Variants in RANBP6 observed in about 807,000 individuals in gnomAD.
RANBP6 encodes the protein ran-binding protein 6.
In RANBP6, 10 loss-of-function variants were observed where a neutral mutation model predicts 35.3. The observed-to-expected ratio is 0.28, with a 90% CI of 0.17 to 0.48. The LOEUF is 0.48. Ranked by LOEUF, RANBP6 falls within the 20% of genes least tolerant of loss-of-function variation. The pLI, the probability that RANBP6 is intolerant of heterozygous loss-of-function variation, is 0.99. For synonymous variants in RANBP6, 514 were observed against 464.2 expected, an observed-to-expected ratio of 1.11 and a Z score of -1.38; for missense variants, 1,392 against 1,307.7, an observed-to-expected ratio of 1.06 and a Z score of -0.99.
At position 6,012,391 on chromosome 9, in the gene RANBP6, C is replaced by T. The variant is rs748913671; in HGVS notation, c.3217G>A (p.Val1073Met). The change falls in exon 1 of 1, where the codon GTG becomes ATG. Residue 1073 changes from valine to methionine, a missense_variant. Physicochemically the swap from Val to Met is conservative, Grantham distance 21 (BLOSUM62 1). Transcript: ENST00000259569. ...DPCAKRLANV[V>M]RQVQTSEDLW... is the part of the protein sequence containing the mutation. ...TCTTCAGAAGTCTGTACCTGACGCA[C>T]GACATTAGCTAGGCGTTTGGCACAA... 8.1e-6 allele frequency: 13 copies of T among 1,613,728 alleles called. No homozygotes were observed. The highest frequency in any genetic ancestry group is 3.3e-5 in the Admixed American group (2 of 59,960).
At position 6,014,865 on chromosome 9, in the gene RANBP6, A is replaced by G; in HGVS notation, c.743T>C (p.Leu248Pro). Residue 248 changes from leucine to proline, a missense_variant, in exon 1 of 1, where the codon CTT becomes CCT. Transcript: ENST00000259569. Reference sequence around the variant, plus strand: ...AGGTACGGTATCTGCAATCTCAACAAGGGATTCTAGCACTGAATCATCATC... The same window carrying G: ...AGGTACGGTATCTGCAATCTCAACAGGGGATTCTAGCACTGAATCATCATC... ...YQDDDSVLES[L>P]VEIADTVPKY... 6.2e-7 allele frequency: 1 copy of G among 1,614,200 alleles called. No homozygotes were observed. Among genetic ancestry groups the G allele is most frequent in the Non-Finnish European group, 8.5e-7 (1 of 1,180,024 alleles).
At position 6,013,981 on chromosome 9, in the gene RANBP6, T is replaced by C; in HGVS notation, c.1627A>G (p.Met543Val). The C allele has an allele frequency of 1.2e-6, 2 of 1,613,982 alleles. No homozygotes were observed. The highest frequency in any genetic ancestry group is 2.2e-5 in the East Asian group (1 of 44,876). The change falls in exon 1 of 1, where the codon ATG becomes GTG. Residue 543 changes from methionine to valine, a missense_variant. Met to Val is a conservative substitution (Grantham distance 21). Coordinates refer to ENST00000259569, the MANE Select transcript of RANBP6 (RefSeq NM_012416.4). The stretch of plus-strand genomic sequence containing the variant: ...TCAACAATGTGCTTTAGTGAGGGCA[T>C]GAATATATCATAATATGGGACAAAT... ...EKFVPYYDIF[M>V]PSLKHIVELA...
Position 6,015,281 on chromosome 9 carries a change from T to C in RANBP6, c.327A>G (p.Thr109=). ...AAAGTTTTTTCCTCATGCTAGCATG[T>C]GTTTCTAACTTAACAGCCAGAATCA... ...IELILAVKLE[T]HASMRKKLCD... is the part of the protein sequence containing the mutation. The change falls in exon 1 of 1, where the codon ACA becomes ACG. Residue 109 remains threonine, a synonymous_variant. Coordinates refer to ENST00000259569, the MANE Select transcript of RANBP6 (RefSeq NM_012416.4). 1 of 1,614,258 alleles carries C rather than the reference T, an allele frequency of 6.2e-7. No individual in the cohort carries two copies. Among genetic ancestry groups the C allele is most frequent in the African/African-American group, 1.3e-5 (1 of 75,076 alleles).
rs1384991065 is a variant in RANBP6 at position 6,015,252 on chromosome 9, T to C, written c.356A>G (p.Asp119Gly). 6.2e-7 allele frequency: 1 copy of C among 1,614,206 alleles called. No homozygotes were observed. The highest frequency in any genetic ancestry group is 2.2e-5 in the East Asian group (1 of 44,884). The change falls in exon 1 of 1, where the codon GAT (aspartate) becomes GGT (glycine). Residue 119 changes from aspartate (D) to glycine (G), a missense_variant. Asp to Gly is a moderately conservative substitution (Grantham distance 94, BLOSUM62 -1). Coordinates refer to ENST00000259569, the MANE Select transcript of RANBP6 (RefSeq NM_012416.4). ...THASMRKKLC[D>G]IFAVLARNLI... is the part of the protein sequence containing the mutation. ...ATTCCTGGCCAGCACTGCAAAAATA[T>C]CACAAAGTTTTTTCCTCATGCTAGC...
Position 6,014,830 on chromosome 9 carries a change from C to T in RANBP6, c.778G>A (p.Gly260Ser), listed in dbSNP as rs530947222. ...EIADTVPKYL[G>S]PYLEDTLQLS... ...TGTAGAGTATCTTCTAAATAAGGAC[C>T]CAAGTACTTAGGTACGGTATCTGCA... Residue 260 changes from glycine to serine, a missense_variant, in exon 1 of 1, where the codon GGT becomes AGT. By Grantham distance (56) the Gly-to-Ser change is moderately conservative. Transcript: ENST00000259569. 4 of 1,614,164 alleles carry T rather than the reference C, an allele frequency of 2.5e-6. No homozygotes were observed. Among genetic ancestry groups the T allele is most frequent in the African/African-American group, 1.3e-5 (1 of 75,050 alleles).
chr9:6,014,284 A>G lies in RANBP6; in HGVS notation c.1324T>C (p.Phe442Leu), dbSNP rs1157868270. ...ACTGTTTCATGAAATTTCTTTTGGA[A>G]ATTAGGTGCAAAATCTGTAGCCATC... ...GQMATDFAPN[F>L]QKKFHETVIA... The change falls in exon 1 of 1, where the codon TTC becomes CTC. Residue 442 changes from phenylalanine to leucine, a missense_variant. By Grantham distance (22) the Phe-to-Leu change is conservative (BLOSUM62 0). Transcript: ENST00000259569. 1.9e-6 allele frequency: 3 copies of G among 1,614,212 alleles called. No homozygotes were observed. The highest frequency in any genetic ancestry group is 2.2e-5 in the East Asian group (1 of 44,888).
Position 6,013,450 on chromosome 9 carries a change from T to A in RANBP6, c.2158A>T (p.Lys720Ter), listed in dbSNP as rs759179325. 6.2e-7 allele frequency: 1 copy of A among 1,614,080 alleles called. No individual in the cohort carries two copies. The highest frequency in any genetic ancestry group is 8.5e-7 in the Non-Finnish European group (1 of 1,180,028). The change falls in exon 1 of 1, where the codon AAA becomes TAA. Residue 720 changes from lysine to a stop codon, truncating the protein, a stop_gained. Transcript: ENST00000259569. LOFTEE classifies it high-confidence loss of function. ...QVVKLMVPLL[K>*]FYFHDNVRVA... ...CGAACATTGTCATGGAAATAAAATT[T>A]CAGTAAAGGAACCATCAGCTTCACA...
chr9:6,013,529 C>G lies in RANBP6; in HGVS notation c.2079G>C (p.Leu693Phe), dbSNP rs1193491680. The G allele has an allele frequency of 6.2e-7, 1 of 1,614,008 alleles. No homozygotes were observed. The highest frequency in any genetic ancestry group is 1.3e-5 in the African/African-American group (1 of 74,906). Residue 693 changes from leucine to phenylalanine, a missense_variant, in exon 1 of 1, where the codon TTG becomes TTC. Coordinates refer to ENST00000259569, the MANE Select transcript of RANBP6 (RefSeq NM_012416.4). ...LEAKATACQMLVYYAKELREG... is the reference protein window; with the variant it reads ...LEAKATACQMFVYYAKELREG... ...CCCTTAACTCCTTAGCATAGTAAAC[C>G]AACATTTGGCAAGCAGTTGCTTTTG...
chr9:6,015,143 T>C lies in RANBP6; in HGVS notation c.465A>G (p.Leu155=), dbSNP rs758421666. The change falls in exon 1 of 1, where the codon CTA becomes CTG. Residue 155 remains leucine, a synonymous_variant. Transcript: ENST00000259569. ...IDSIYSKNVV[L]WEVALHVFWH... Reference sequence around the variant, plus strand: ...AGAAAACGTGAAGTGCAACTTCCCATAGAACCACATTTTTGGAGTAGATTG... The same window carrying C: ...AGAAAACGTGAAGTGCAACTTCCCACAGAACCACATTTTTGGAGTAGATTG... 2.7e-5 allele frequency: 44 copies of C among 1,614,020 alleles called. No homozygotes were observed. In the African/African-American group the frequency reaches 2.9e-4, roughly 11 times the overall value.
rs752343257 is a variant in RANBP6 at position 6,013,987 on chromosome 9, T to C, written c.1621A>G (p.Ile541Val). ...ATGTGCTTTAGTGAGGGCATGAATA[T>C]ATCATAATATGGGACAAATTTTTCT... is the stretch of plus-strand genomic sequence containing the variant. ...IEEKFVPYYD[I>V]FMPSLKHIVE... is the part of the protein sequence containing the mutation. Residue 541 changes from isoleucine (I) to valine (V), a missense_variant, in exon 1 of 1, where the codon ATA (isoleucine) becomes GTA (valine). Coordinates refer to ENST00000259569, the MANE Select transcript of RANBP6 (RefSeq NM_012416.4). 1 of 1,613,948 alleles carries C rather than the reference T, an allele frequency of 6.2e-7. No individual in the cohort carries two copies. The highest frequency in any genetic ancestry group is 1.1e-5 in the South Asian group (1 of 91,058).
rs765212611 is a variant in RANBP6, at chr9:6,013,374, C to A, written c.2234G>T (p.Arg745Leu). ...CATCTGTGCAAGATACTCTGGGCCA[C>A]GAATTCTTGCACATTCCAGGAGAAA... ...MPFLLECARI[R>L]GPEYLAQMWQ... The change falls in exon 1 of 1, where the codon CGT (arginine) becomes CTT (leucine). Residue 745 changes from arginine to leucine, a missense_variant. Coordinates refer to ENST00000259569, the MANE Select transcript of RANBP6 (RefSeq NM_012416.4). The A allele has an allele frequency of 3.0e-5, 49 of 1,614,002 alleles. No homozygotes were observed. Among genetic ancestry groups the A allele is most frequent in the Non-Finnish European group, 3.8e-5 (45 of 1,180,006 alleles).
Position 6,014,325 on chromosome 9 carries a change from C to G in RANBP6, c.1283G>C (p.Cys428Ser), listed in dbSNP as rs766483996. 2.3e-5 allele frequency: 37 copies of G among 1,614,216 alleles called. No homozygotes were observed. The South Asian group carries it at 3.3e-4, about 14-fold the overall frequency. The change falls in exon 1 of 1, where the codon TGT (cysteine) becomes TCT (serine). Residue 428 changes from cysteine to serine, a missense_variant. Physicochemically the swap from Cys to Ser is moderately radical, Grantham distance 112. Transcript: ENST00000259569. ...DPHPRVRAAA[C>S]TTLGQMATDF... is the part of the protein sequence containing the mutation. ...TGTAGCCATCTGTCCAAGTGTAGTA[C>G]AGGCTGCAGCCCTCACCCTTGGATG...
Position 6,014,259 on chromosome 9 carries a change from A to G in RANBP6, c.1349T>C (p.Val450Ala), listed in dbSNP as rs1842533721. 1.2e-6 allele frequency: 2 copies of G among 1,614,104 alleles called. No homozygotes were observed. Among genetic ancestry groups the G allele is most frequent in the Non-Finnish European group, 1.7e-6 (2 of 1,180,038 alleles). Residue 450 changes from valine to alanine, a missense_variant, in exon 1 of 1, where the codon GTG becomes GCG. Transcript: ENST00000259569. Reference protein sequence around the residue: ...PNFQKKFHETVIAALLRTMEN... With the variant: ...PNFQKKFHETAIAALLRTMEN... ...CATGGTACGTAACAGAGCTGCAATC[A>G]CTGTTTCATGAAATTTCTTTTGGAA...
At position 6,014,623 on chromosome 9, in the gene RANBP6, A is replaced by G; in HGVS notation, c.985T>C (p.Trp329Arg). The change falls in exon 1 of 1, where the codon TGG becomes CGG. Residue 329 changes from tryptophan to arginine, a missense_variant. Trp to Arg is a moderately radical substitution (Grantham distance 101). Coordinates refer to ENST00000259569, the MANE Select transcript of RANBP6 (RefSeq NM_012416.4). ...MMVDLQDDED[W>R]VNADEMEEDD... ...TCTTCCATTTCATCAGCATTTACCC[A>G]GTCCTCATCATCTTGTAGATCAACC... The G allele has an allele frequency of 6.2e-7, 1 of 1,614,190 alleles. No homozygotes were observed. Among genetic ancestry groups the G allele is most frequent in the Non-Finnish European group, 8.5e-7 (1 of 1,180,040 alleles).
chr9:6,012,761 A>G lies in RANBP6; in HGVS notation c.2847T>C (p.Arg949=), dbSNP rs1203172609. 1 of 1,614,230 alleles carries G rather than the reference A, an allele frequency of 6.2e-7. No homozygotes were observed. Among genetic ancestry groups the G allele is most frequent in the Non-Finnish European group, 8.5e-7 (1 of 1,180,028 alleles). The change falls in exon 1 of 1, where the codon CGT becomes CGC. Residue 949 remains arginine, a synonymous_variant. Transcript: ENST00000259569. ...GTGGAACAGCTTCTGAACATAAAGA[A>G]CGATAATCATCTCCACCAAACTGTG... ...VMAQFGGDDY[R]SLCSEAVPLL... is the part of the protein sequence containing the mutation.
Position 6,011,087 on chromosome 9 carries a change from G to T in RANBP6, c.*1203C>A, listed in dbSNP as rs1226225998. The T allele has an allele frequency of 1.3e-5, 2 of 152,100 alleles. No individual in the cohort carries two copies. Among genetic ancestry groups the T allele is most frequent in the East Asian group, 3.8e-4 (2 of 5,196 alleles). The allele number at this position is 152,100 out of a possible 1,614,324, so 9.4% of individuals were successfully genotyped here. On this transcript the variant is annotated 3_prime_UTR_variant, in exon 1 of 1. Coordinates refer to ENST00000259569, the MANE Select transcript of RANBP6 (RefSeq NM_012416.4). ...AGCACTTACTAGGTCTTAAATATTT[G>T]CTAAATACATACACAGTACTCACAA...
rs771747546 is a variant in RANBP6 at position 6,012,440 on chromosome 9, A to G, written c.3168T>C (p.Asn1056=). 8.1e-5 allele frequency: 130 copies of G among 1,613,860 alleles called. No individual in the cohort carries two copies. In the Middle Eastern group the frequency reaches 1.8e-3, roughly 22 times the overall value. Residue 1056 remains asparagine (N), a synonymous_variant, in exon 1 of 1, where the codon AAT becomes AAC. Transcript: ENST00000259569. ...AAGGATCCTCATAGTTAATAGTCTC[A>G]TTAATTTTTCCTTCTGCAATTATAC... ...IISIIAEGKI[N]ETINYEDPCA...
In RANBP6 at chr9:6,011,848, T is replaced by C. The variant is rs540557805; in HGVS notation, c.*442A>G. 6.5e-6 allele frequency: 1 copy of C among 154,224 alleles called. No homozygotes were observed. 9.6% of individuals were successfully genotyped at this position (154,224 alleles called of 1,614,324 possible). A position where few individuals can be genotyped will look rare whatever the true frequency, so the allele number is the denominator to read the frequency against. On this transcript the variant is annotated 3_prime_UTR_variant, in exon 1 of 1. Coordinates refer to ENST00000259569, the MANE Select transcript of RANBP6 (RefSeq NM_012416.4). ...TCACCACAAATACCAAGAGTATTAA[T>C]TAAAGAGGGACAAGCCTGCCACTAT... is the stretch of plus-strand genomic sequence containing the variant.
chr9:6,014,710 G>T lies in RANBP6; in HGVS notation c.898C>A (p.Pro300Thr). Reference protein sequence around the residue: ...VIVTLSETATPMLKKHTNIIA... With the variant: ...VIVTLSETATTMLKKHTNIIA... Reference sequence around the variant, plus strand: ...ATATTTGTATGTTTTTTCAACATCGGAGTGGCAGTTTCAGACAAGGTCACT... The same window carrying T: ...ATATTTGTATGTTTTTTCAACATCGTAGTGGCAGTTTCAGACAAGGTCACT... The change falls in exon 1 of 1, where the codon CCG becomes ACG. Residue 300 changes from proline to threonine, a missense_variant. Coordinates refer to ENST00000259569, the MANE Select transcript of RANBP6 (RefSeq NM_012416.4). The T allele has an allele frequency of 6.2e-7, 1 of 1,614,126 alleles. No homozygotes were observed. The highest frequency in any genetic ancestry group is 8.5e-7 in the Non-Finnish European group (1 of 1,180,044).
Sources: gnomAD v4.1 joint callset for allele counts on GRCh38, gnomAD v4.1.1 for gene constraint, MANE v1.5 for transcripts, NCBI Gene and HGNC (gene_info 2026-07-23, HGNC 2026-07-21) for gene names.